The following ATP8A1 variants were observed in gnomAD, a reference collection of about 807,000 sequenced individuals.
ATP8A1 encodes ATPase phospholipid transporting 8A1.
A neutral mutation model predicts 177.7 loss-of-function variants in ATP8A1; 90 were observed. The ratio of observed to expected loss-of-function variants is 0.51; its 90% CI spans 0.43 to 0.60. The LOEUF (loss-of-function observed/expected upper bound fraction) is 0.60, where lower values mean the gene tolerates loss of function less well. ATP8A1 is among the 20% of genes least tolerant of loss of function. The pLI, the probability that ATP8A1 is intolerant of heterozygous loss-of-function variation, is 0.00. For synonymous variants in ATP8A1, 493 were observed against 485.9 expected (o/e 1.01, Z -0.19); for missense variants, 1,072 against 1,392.8 (o/e 0.77, Z 3.67).
chr4:42,503,387 T>A, intron 24 of ATP8A1, 63 bp downstream of exon 24: 1 of 960,546 alleles, frequency 1.0e-6, no homozygotes, highest in Non-Finnish European at 1.6e-6. Context: ...GCTATCTGAA[T>A]ATAAAATACT....
chr4:42,443,600 G>A lies in ATP8A1; in HGVS notation c.3088C>T (p.Pro1030Ser), dbSNP rs1234772922. ...VFFGIYSSLW[P>S]AIPMAPDMSG... ...ATATCAGGGGCCATCGGAATGGCAG[G>A]CCACAGAGATGAGTAGATTCCAAAA... The change falls in exon 33 of 37, where the codon CCT becomes TCT. Residue 1030 changes from proline to serine, a missense_variant. This residue lies in a region of ATP8A1 where 316 missense variants were observed against 459.1 expected (regional missense o/e 0.69). Coordinates refer to ENST00000381668, the MANE Select transcript of ATP8A1 (RefSeq NM_006095.2). 7.9e-6 allele frequency: 12 copies of A among 1,518,432 alleles called. No homozygotes were observed. The highest frequency in any genetic ancestry group is 4.5e-5 in the South Asian group (4 of 89,096). The allele number at this position is 1,518,432 out of a possible 1,614,324, so 94.1% of individuals were successfully genotyped here.
At chr4:42,634,952 T>G (rs574469008) in intron 1 of ATP8A1, among the ~76,000 whole-genome samples, 3 of 152,298 alleles carry the variant, frequency 2.0e-5, no homozygotes, top group African/African-American at 7.2e-5. Context: ...TACTTGTCAT[T>G]CAAACAGTTC....
intron 1 of ATP8A1, among the ~76,000 whole-genome samples, chr4:42,639,787 G>A (rs756726538): frequency 6.6e-6 from 1 of 152,206 alleles, no homozygotes; most frequent in Non-Finnish European, 1.5e-5. Context: ...CGTTCAGTAT[G>A]CATGGGGGAT....
intron 20 of ATP8A1, among the ~76,000 whole-genome samples, chr4:42,536,744 C>T (rs1727864438): frequency 6.6e-6 from 1 of 152,168 alleles, no homozygotes. Context: ...GATAATCCAC[C>T]AGGATCAAGT....
intron 12 of ATP8A1, among the ~76,000 whole-genome samples, chr4:42,577,053 T>C (rs979971478): frequency 2.6e-5 from 4 of 152,198 alleles, no homozygotes; most frequent in Non-Finnish European, 5.9e-5. Context: ...GGAAAGTCAG[T>C]GTTCTATCTG....
chr4:42,597,945 T>C (rs1734872010), intron 6 of ATP8A1, among the ~76,000 whole-genome samples: 3 of 152,168 alleles, frequency 2.0e-5, no homozygotes, highest in Non-Finnish European at 4.4e-5. Context: ...TGGTCAATTA[T>C]CATATTTCTG....
At chr4:42,500,365 AAAAACAAAAC>A (rs142164207) in intron 24 of ATP8A1, among the ~76,000 whole-genome samples, 21,363 of 149,298 alleles carry the variant, frequency 0.14, 1,943 homozygotes, top group African/African-American at 0.27. Context: ...ACTCGGTCTC[AAAAACAAAAC>A]AAAACAAAAC....
chr4:42,636,850 G>C (rs1436765014), intron 1 of ATP8A1, among the ~76,000 whole-genome samples: 8 of 152,186 alleles, frequency 5.3e-5, no homozygotes. Context: ...CAGTCAATTT[G>C]CCATCTGGAG....
intron 6 of ATP8A1, among the ~76,000 whole-genome samples, chr4:42,593,550 G>A (rs1025420929): frequency 6.6e-6 from 1 of 151,670 alleles, no homozygotes; most frequent in Non-Finnish European, 1.5e-5. Flanking sequence ...TTTGAAAAAA[G>A]GACACTGTCC....
Position 42,412,718 on chromosome 4 carries a change from C to T in ATP8A1, c.*198G>A. ...ACTTAGCAAATACCTTAAAAAAATC[C>T]AAAAGAGATGGTGTTACAGTACAGT... On this transcript the variant is annotated 3_prime_UTR_variant, in exon 37 of 37. Coordinates refer to ENST00000381668, the MANE Select transcript of ATP8A1 (RefSeq NM_006095.2). 2.2e-6 allele frequency: 1 copy of T among 456,068 alleles called. No homozygotes were observed. Among genetic ancestry groups the T allele is most frequent in the Admixed American group, 3.8e-5 (1 of 26,038 alleles). The allele number at this position is 456,068 out of a possible 1,614,324, so 28.3% of individuals were successfully genotyped here.
chr4:42,532,971 TCC>T (rs1553897727), intron 20 of ATP8A1, among the ~76,000 whole-genome samples: 1 of 152,130 alleles, frequency 6.6e-6, no homozygotes, highest in Non-Finnish European at 1.5e-5. Flanking sequence ...CTAATGATAA[TCC>T]CACCACCCTT....
chr4:42,453,726 T>TGG, intron 29 of ATP8A1, among the ~76,000 whole-genome samples: 1 of 152,162 alleles, frequency 6.6e-6, no homozygotes, highest in Non-Finnish European at 1.5e-5. Context: ...AGAGGCTAAA[T>TGG]TCAGAGACAG....
intron 19 of ATP8A1, among the ~76,000 whole-genome samples, chr4:42,547,094 A>G (rs974092489): frequency 2.6e-5 from 4 of 152,100 alleles, no homozygotes; most frequent in Non-Finnish European, 4.4e-5. Flanking sequence ...CTTATATTCA[A>G]CTGCTTGCCT....
intron 4 of ATP8A1, among the ~76,000 whole-genome samples, chr4:42,619,849 C>T (rs961304710): frequency 2.0e-5 from 3 of 152,110 alleles, no homozygotes; most frequent in Non-Finnish European, 2.9e-5. Flanking sequence ...TAAAGAGATG[C>T]GTGCTCCATT....
chr4:42,625,459 G>A lies in ATP8A1; in HGVS notation c.264+155C>T, dbSNP rs528493652. The A allele has an allele frequency of 9.2e-4, 443 of 480,456 alleles. 1 individual carries two copies. The highest frequency in any genetic ancestry group is 1.3e-3 in the Non-Finnish European group (333 of 265,732). The allele number at this position is 480,456 out of a possible 1,614,324, so 29.8% of individuals were successfully genotyped here. A position where few individuals can be genotyped will look rare whatever the true frequency, so the allele number is the denominator to read the frequency against. On this transcript the variant is annotated intron_variant, in intron 3 of 36. Coordinates refer to ENST00000381668, the MANE Select transcript of ATP8A1 (RefSeq NM_006095.2). ...AAAAATGAATCAAAAGGCTGGAAAA[G>A]GTAGTGGATTCCAACACTGCTTGCA...
chr4:42,515,387 C>T (rs1300519901), intron 22 of ATP8A1, among the ~76,000 whole-genome samples: 1 of 152,186 alleles, frequency 6.6e-6, no homozygotes, highest in Non-Finnish European at 1.5e-5. Flanking sequence ...ACTTGGCAGT[C>T]ATGAATGCTC....
intron 33 of ATP8A1, among the ~76,000 whole-genome samples, chr4:42,438,270 G>A (rs1716226764): frequency 6.6e-6 from 1 of 152,096 alleles, no homozygotes; most frequent in East Asian, 1.9e-4. Context: ...ATGTCTAAAA[G>A]GATTTACCTT....
intron 5 of ATP8A1, among the ~76,000 whole-genome samples, chr4:42,603,219 A>G (rs1201167351): frequency 6.6e-6 from 1 of 152,166 alleles, no homozygotes; most frequent in Admixed American, 6.5e-5. Flanking sequence ...CGGACAAGCT[A>G]TCTTTCTGTA....
chr4:42,656,106 C>T (rs1287504442), intron 1 of ATP8A1, among the ~76,000 whole-genome samples: 3 of 152,214 alleles, frequency 2.0e-5, no homozygotes, highest in African/African-American at 4.8e-5. Flanking sequence ...GGAAAGCTTA[C>T]TTGCTTCTAC....
Sources: allele counts gnomAD v4.1 joint callset (sites outside exome capture counted in the v4.1 genomes callset), GRCh38; gene constraint gnomAD v4.1.1; regional missense constraint gnomAD v4.1.1; transcripts MANE v1.5; gene names NCBI Gene and HGNC (gene_info 2026-07-23, HGNC 2026-07-21).